DYSF: variants seen among roughly 807,000 people sequenced by gnomAD.
DYSF encodes dysferlin.
In DYSF, 212 loss-of-function variants were observed where a neutral mutation model predicts 274.9. The observed-to-expected ratio is 0.77, with a 90% CI of 0.69 to 0.86. DYSF has a LOEUF of 0.86. Ranked by LOEUF, DYSF falls within the 40% of genes least tolerant of loss-of-function variation. The pLI, the probability that DYSF is intolerant of heterozygous loss-of-function variation, is 0.00. For synonymous variants in DYSF, 1,091 were observed against 1,078.7 expected (o/e 1.01, Z -0.22); for missense variants, 2,666 against 2,783.2 (o/e 0.96, Z 0.95).
intron 1 of DYSF, among the ~76,000 whole-genome samples, 170 bp from the exon 2 acceptor site, chr2:71,480,713 T>C (rs1277483627): frequency 6.6e-6 from 1 of 152,166 alleles, no homozygotes; most frequent in Admixed American, 6.5e-5. Context: ...AGTTGTGTGA[T>C]TGGCATTGGG....
At chr2:71,544,890 A>C (rs917836125) in intron 17 of DYSF, among the ~76,000 whole-genome samples, 4 of 152,186 alleles carry the variant, frequency 2.6e-5, no homozygotes, top group African/African-American at 9.7e-5. Context: ...GCCTTCTGTC[A>C]GGGGCTGGGC....
Position 71,520,832 on chromosome 2 carries a change from T to A in DYSF, c.1077T>A (p.Asp359Glu), listed in dbSNP as rs761584106. The change falls in exon 12 of 56, where the codon GAT becomes GAA. Residue 359 changes from aspartate to glutamate, a missense_variant. Asp to Glu is a conservative substitution (Grantham distance 45, BLOSUM62 2). Transcript: ENST00000410020. ...LRKWLLLSDP[D>E]DFSAGARGYL... ...AGTGGCTGCTGCTCTCAGACCCTGA[T>A]GACTTCTCTGCTGGGGCCAGAGGCT... 2 of 1,614,144 alleles carry A rather than the reference T, an allele frequency of 1.2e-6. No homozygotes were observed. The highest frequency in any genetic ancestry group is 2.7e-5 in the African/African-American group (2 of 75,030).
At chr2:71,599,658 G>C (rs945243199) in intron 33 of DYSF, among the ~76,000 whole-genome samples, 1 of 152,228 alleles carries the variant, frequency 6.6e-6, no homozygotes, top group African/African-American at 2.4e-5. Flanking sequence ...GGATGCTGCC[G>C]GAAGAGATCC....
chr2:71,680,919 T>C, intron 53 of DYSF, 82 bp from the exon 54 acceptor site: 1 of 1,137,426 alleles, frequency 8.8e-7, no homozygotes, highest in Non-Finnish European at 1.3e-6. Flanking sequence ...AAGTGGCCCT[T>C]ATGTTTTTTC....
At chr2:71,642,132 T>A (rs754643332) in intron 41 of DYSF, among the ~76,000 whole-genome samples, 38 of 152,218 alleles carry the variant, frequency 2.5e-4, no homozygotes, top group Non-Finnish European at 4.4e-5. Flanking sequence ...CAGAACTCAC[T>A]GGTTGGTTGT....
intron 38 of DYSF, among the ~76,000 whole-genome samples, chr2:71,612,210 A>G (rs1419804431): frequency 1.3e-5 from 2 of 152,248 alleles, no homozygotes; most frequent in East Asian, 3.8e-4. Flanking sequence ...GAAGGAGAGC[A>G]TATAAATTAT....
intron 3 of DYSF, among the ~76,000 whole-genome samples, chr2:71,499,390 C>T (rs777973236): frequency 2.0e-5 from 3 of 152,214 alleles, no homozygotes; most frequent in Non-Finnish European, 2.9e-5. Context: ...ATGATGGACA[C>T]GTGAATTGCC....
chr2:71,585,949 A>G (rs2093052645), intron 30 of DYSF, among the ~76,000 whole-genome samples: 2 of 152,010 alleles, frequency 1.3e-5, no homozygotes, highest in East Asian at 3.9e-4. Context: ...CAGGGGACAC[A>G]TGGGGCAAGG....
At chr2:71,466,633 C>T (rs1401490807), upstream of DYSF, 2 of 1,293,654 alleles carry the variant, frequency 1.5e-6, no homozygotes, top group African/African-American at 3.1e-5. Context: ...GGGTAGGGGC[C>T]GGAGGGGGAG....
chr2:71,610,937 A>G (rs2152874194), intron 36 of DYSF: 1 of 432,470 alleles, frequency 2.3e-6, no homozygotes, highest in African/African-American at 2.0e-5. Flanking sequence ...AGGGAGGGGC[A>G]GACCCGGAGC....
At chr2:71,500,352 C>T (rs2084854637) in intron 3 of DYSF, among the ~76,000 whole-genome samples, 1 of 152,136 alleles carries the variant, frequency 6.6e-6, no homozygotes, top group Admixed American at 6.5e-5. Context: ...AGGCAGCCTG[C>T]CCTGCTATTT....
intron 4 of DYSF, among the ~76,000 whole-genome samples, chr2:71,510,816 T>C (rs1437873826): frequency 1.3e-5 from 2 of 152,244 alleles, no homozygotes; most frequent in Non-Finnish European, 2.9e-5. Context: ...TTGCCTGACA[T>C]TCAGTAAAAG....
In DYSF at chr2:71,551,095, A is replaced by G. The variant is rs767304788; in HGVS notation, c.1631A>G (p.Tyr544Cys). ...PTFGPCYINL[Y>C]GSPREFTGFP... ...TTTGGGCCCTGCTACATCAACCTCT[A>G]TGGCAGTCCCAGAGAGTTCACAGGC... is the stretch of plus-strand genomic sequence containing the variant. The change falls in exon 18 of 56, where the codon TAT becomes TGT. Residue 544 changes from tyrosine (Y) to cysteine (C), a missense_variant. This residue lies in a region of DYSF where 794 missense variants were observed against 777.1 expected (regional missense o/e 1.02). Coordinates refer to ENST00000410020, the MANE Select transcript of DYSF (RefSeq NM_001130987.2). 6.2e-7 allele frequency: 1 copy of G among 1,614,096 alleles called. No individual in the cohort carries two copies. The highest frequency in any genetic ancestry group is 1.1e-5 in the South Asian group (1 of 91,088).
intron 40 of DYSF, among the ~76,000 whole-genome samples, chr2:71,616,006 G>A (rs1364017590): frequency 1.3e-5 from 2 of 152,114 alleles, no homozygotes; most frequent in Non-Finnish European, 2.9e-5. Context: ...GTCCCTTCCT[G>A]TCACTTTCCT....
In DYSF at chr2:71,564,022, T is replaced by A. The variant is rs766515052; in HGVS notation, c.2410-36T>A. The A allele has an allele frequency of 3.7e-6, 6 of 1,612,462 alleles. 1 individual carries two copies. The South Asian group carries it at 6.6e-5, about 18-fold the overall frequency. On this transcript the variant is annotated intron_variant, in intron 23 of 55. Coordinates refer to ENST00000410020, the MANE Select transcript of DYSF (RefSeq NM_001130987.2). ...GGCTGTGGGGCGTGGGCCTGGTGTG[T>A]CACCATCCCCACCCCGACCACCACC...
chr2:71,616,489 G>T (rs1454166798), intron 40 of DYSF, among the ~76,000 whole-genome samples: 1 of 151,962 alleles, frequency 6.6e-6, no homozygotes, highest in South Asian at 2.1e-4. Context: ...TGACAGGTGG[G>T]GGTGGTAGGA....
exon 1 of DYSF, chr2:71,454,079 G>C: frequency 6.2e-7 from 1 of 1,614,022 alleles, no homozygotes; most frequent in Non-Finnish European, 8.5e-7. Flanking sequence ...GCTCCGCGGT[G>C]TTTGCAGGTA....
intron 29 of DYSF, chr2:71,571,025 C>A (rs1293871753): frequency 1.2e-4 from 55 of 456,160 alleles, no homozygotes; most frequent in East Asian, 7.5e-4. Flanking sequence ...TCACACTCAG[C>A]ACACACACAG....
At chr2:71,580,081 A>G (rs2092835357) in intron 30 of DYSF, among the ~76,000 whole-genome samples, 2 of 152,224 alleles carry the variant, frequency 1.3e-5, no homozygotes, top group Admixed American at 1.3e-4. Context: ...CTATGAGGGC[A>G]TCATGTCTCT....
Sources: allele counts gnomAD v4.1 joint callset (sites outside exome capture counted in the v4.1 genomes callset), GRCh38; gene constraint gnomAD v4.1.1; regional missense constraint gnomAD v4.1.1; transcripts MANE v1.5; gene names NCBI Gene and HGNC (gene_info 2026-07-23, HGNC 2026-07-21).